PTPRT: variants seen among roughly 807,000 people sequenced by gnomAD.
PTPRT encodes receptor-type tyrosine-protein phosphatase T.
A neutral mutation model predicts 176.8 loss-of-function variants in PTPRT; 56 were observed. The ratio of observed to expected loss-of-function variants is 0.32; its 90% confidence interval spans 0.26 to 0.40. The LOEUF is 0.40. Ranked by LOEUF, PTPRT falls within the 10% of genes least tolerant of loss-of-function variation. The pLI is 1.00. For synonymous variants in PTPRT, 783 were observed against 739.0 expected, an observed-to-expected ratio of 1.06 and a Z score of -0.96; for missense variants, 1,540 against 1,908.2, an observed-to-expected ratio of 0.81 and a Z score of 3.60.
chr20:42,761,997 G>A (rs1487848130), intron 5 of PTPRT, among the ~76,000 whole-genome samples: 1 of 152,154 alleles, frequency 6.6e-6, no homozygotes, highest in Non-Finnish European at 1.5e-5. Context: ...TTTGTTCAAA[G>A]AATATCTAAT....
intron 6 of PTPRT, among the ~76,000 whole-genome samples, chr20:42,692,238 G>C (rs2075804361): frequency 6.6e-6 from 1 of 152,180 alleles, no homozygotes; most frequent in Admixed American, 6.5e-5. Context: ...ACTTCACAAA[G>C]ATATCACATG....
rs778928297 is a variant in PTPRT, at chr20:42,780,284, C to A, written c.502G>T (p.Val168Phe). The A allele has an allele frequency of 6.2e-7, 1 of 1,613,790 alleles. No individual in the cohort carries two copies. Among genetic ancestry groups the A allele is most frequent in the Non-Finnish European group, 8.5e-7 (1 of 1,179,866 alleles). Residue 168 changes from valine (V) to phenylalanine (F), a missense_variant, in exon 4 of 31, where the codon GTC becomes TTC. By Grantham distance (50) the Val-to-Phe change is conservative. This residue lies in a region of PTPRT where 273 missense variants were observed against 432.1 expected (regional missense o/e 0.63). Transcript: ENST00000373187. ...TAGCCAGGATGACCCTTCAATGAGA[C>A]GGATTCAAATATCACCTGCAACACA... ...PHFYQVIFES[V>F]SLKGHPGYIA...
intron 9 of PTPRT, among the ~76,000 whole-genome samples, chr20:42,385,045 T>C (rs1313829144): frequency 1.3e-5 from 2 of 152,208 alleles, no homozygotes; most frequent in Non-Finnish European, 2.9e-5. Context: ...TGTCTCTTCA[T>C]TATGCTGCTT....
At chr20:42,946,127 G>C (rs920497262) in intron 1 of PTPRT, among the ~76,000 whole-genome samples, 17 of 152,146 alleles carry the variant, frequency 1.1e-4, no homozygotes, top group African/African-American at 1.4e-4. Flanking sequence ...ACAGAGTACA[G>C]AGCTGATAGC....
At position 42,655,592 on chromosome 20, in the gene PTPRT, C is replaced by A. The variant is rs561525811; in HGVS notation, c.1153+22274G>T. Among the ~76,000 whole-genome samples the A allele has an allele frequency of 5.3e-5, 8 of 152,298 alleles. No homozygotes were observed. In the East Asian group the frequency reaches 1.5e-3, roughly 29 times the overall value. ...ATGAATAGTGGCAGCAAAGACTCCT[C>A]AGGCCACATCTGTGAATGGGAGAGT... On this transcript the variant is annotated intron_variant, in intron 7 of 30. Coordinates refer to ENST00000373187, the MANE Select transcript of PTPRT (RefSeq NM_007050.6).
At chr20:42,331,932 G>A (rs1600846314) in intron 11 of PTPRT, among the ~76,000 whole-genome samples, 1 of 151,950 alleles carries the variant, frequency 6.6e-6, no homozygotes, top group East Asian at 1.9e-4. Context: ...TATTGACCCT[G>A]GAAAGGTAGG....
chr20:42,204,344 C>G (rs1276557718), intron 15 of PTPRT, among the ~76,000 whole-genome samples: 1 of 152,074 alleles, frequency 6.6e-6, no homozygotes, highest in Non-Finnish European at 1.5e-5. Flanking sequence ...ATGGGATGAT[C>G]ATATAATTCA....
At chr20:42,096,762 T>TAAA (rs1568924888) in intron 27 of PTPRT, among the ~76,000 whole-genome samples, 25 of 119,020 alleles carry the variant, frequency 2.1e-4, no homozygotes, top group Middle Eastern at 4.4e-3. Flanking sequence ...TAAAATTTTT[T>TAAA]TTTTTTTTTT....
At chr20:42,239,014 G>A (rs1209304543) in intron 14 of PTPRT, among the ~76,000 whole-genome samples, 4 of 152,020 alleles carry the variant, frequency 2.6e-5, no homozygotes, top group Non-Finnish European at 5.9e-5. Context: ...AGTATTCTAT[G>A]TAAATTCCAT....
chr20:42,732,919 C>T (rs371926001), intron 6 of PTPRT, among the ~76,000 whole-genome samples: 9 of 152,340 alleles, frequency 5.9e-5, no homozygotes, highest in Admixed American at 2.0e-4. Context: ...TGGCCTACAT[C>T]TTCCTTGTTT....
intron 13 of PTPRT, among the ~76,000 whole-genome samples, chr20:42,258,198 A>G (rs116680683): frequency 6.6e-6 from 1 of 152,270 alleles, no homozygotes; most frequent in African/African-American, 2.4e-5. Flanking sequence ...CACCCACTCT[A>G]TCATGCAGTT....
intron 7 of PTPRT, among the ~76,000 whole-genome samples, chr20:42,649,625 A>C (rs778307090): frequency 9.2e-5 from 14 of 152,172 alleles, no homozygotes; most frequent in Non-Finnish European, 1.6e-4. Context: ...AAAAGATATG[A>C]ATGCTGGTTA....
chr20:42,634,002 TATA>T (rs2074506744), intron 7 of PTPRT, among the ~76,000 whole-genome samples: 2 of 23,632 alleles, frequency 8.5e-5, no homozygotes, highest in Non-Finnish European at 1.3e-4. Context: ...ATATATATTA[TATA>T]TATATAATAT....
At chr20:43,151,866 A>AG (rs1359100234) in intron 1 of PTPRT, among the ~76,000 whole-genome samples, 2 of 151,716 alleles carry the variant, frequency 1.3e-5, no homozygotes, top group East Asian at 3.9e-4. Context: ...TCCGTCTCAA[A>AG]AAAAAAAAAA....
intron 7 of PTPRT, among the ~76,000 whole-genome samples, chr20:42,502,405 AACACACACACACACACAC>A (rs11467404): frequency 9.5e-5 from 13 of 137,412 alleles, no homozygotes; most frequent in East Asian, 2.2e-4. Flanking sequence ...TATGTATACA[AACACACACACACACACAC>A]ACACACACAC....
intron 7 of PTPRT, among the ~76,000 whole-genome samples, chr20:42,593,836 A>G (rs2073622554): frequency 6.6e-6 from 1 of 152,216 alleles, no homozygotes; most frequent in Admixed American, 6.5e-5. Context: ...CCTTGAATAA[A>G]TAGGTAAATA....
chr20:42,563,616 A>C (rs1280888994), intron 7 of PTPRT, among the ~76,000 whole-genome samples: 1 of 152,224 alleles, frequency 6.6e-6, no homozygotes, highest in Non-Finnish European at 1.5e-5. Context: ...AAATAGGAAA[A>C]TCATGAAGTA....
chr20:42,271,396 A>T (rs373454972), intron 13 of PTPRT, among the ~76,000 whole-genome samples: 196 of 152,326 alleles, frequency 1.3e-3, no homozygotes, highest in African/African-American at 4.6e-3. Flanking sequence ...TACGTCAGTG[A>T]ATCTGGGACA....
intron 1 of PTPRT, among the ~76,000 whole-genome samples, chr20:42,969,853 T>G (rs1982519452): frequency 1.3e-5 from 2 of 152,226 alleles, no homozygotes; most frequent in Non-Finnish European, 2.9e-5. Context: ...GTACATTTAC[T>G]ATATTGCTTT....
Sources: allele counts gnomAD v4.1 joint callset (sites outside exome capture counted in the v4.1 genomes callset), GRCh38; gene constraint gnomAD v4.1.1; regional missense constraint gnomAD v4.1.1; transcripts MANE v1.5; gene names NCBI Gene and HGNC (gene_info 2026-07-23, HGNC 2026-07-21).